EYS: variants seen among roughly 807,000 people sequenced by gnomAD.
EYS encodes the protein EGF-like photoreceptor maintenance factor, also known as protein eyes shut homolog.
A neutral mutation model predicts 282.1 loss-of-function variants in EYS; 250 were observed. The ratio of observed to expected loss-of-function variants is 0.89; its 90% confidence interval spans 0.80 to 0.98. EYS has a LOEUF of 0.98. EYS is among the 50% of genes least tolerant of loss of function. The probability of loss-of-function intolerance (pLI) is 0.00; values close to 1 mark genes in which losing one functional copy is unlikely to be tolerated. For missense variants in EYS, 4,016 were observed against 3,709.0 expected, an observed-to-expected ratio of 1.08 and a Z score of -2.15; for synonymous variants, 1,355 against 1,282.9, an observed-to-expected ratio of 1.06 and a Z score of -1.20.
Position 63,720,893 on chromosome 6 carries a change from A to C in EYS, c.9138T>G (p.His3046Gln). 1 of 1,550,912 alleles carries C rather than the reference A, an allele frequency of 6.4e-7. No individual in the cohort carries two copies. The highest frequency in any genetic ancestry group is 1.4e-5 in the African/African-American group (1 of 73,148). ...GAGTCTGATTTTGAATTACAACTAC[A>C]TGGTGCCATTTATTACAACAGAATG... ...NGTFCCNKWH[H>Q]VVVIQNQTLI... Residue 3046 changes from histidine to glutamine, a missense_variant, in exon 43 of 43, where the codon CAT becomes CAG. Physicochemically the swap from His to Gln is conservative, Grantham distance 24 (BLOSUM62 0). Transcript: ENST00000503581.
chr6:65,687,149 A>G (rs1769051865), intron 1 of EYS, among the ~76,000 whole-genome samples: 1 of 152,092 alleles, frequency 6.6e-6, no homozygotes, highest in Non-Finnish European at 1.5e-5. Flanking sequence ...TTCAGATTTA[A>G]GTTTATACAT....
At chr6:63,736,458 G>C (rs1468087094) in intron 41 of EYS, among the ~76,000 whole-genome samples, 1 of 151,788 alleles carries the variant, frequency 6.6e-6, no homozygotes, top group Non-Finnish European at 1.5e-5. Context: ...CTCTGTTTTG[G>C]TACCAGTACC....
At position 65,674,730 on chromosome 6, in the gene EYS, A is replaced by C. The variant is rs956227723; in HGVS notation, c.-448+32405T>G. 5.3e-5 allele frequency among the ~76,000 whole-genome samples: 8 copies of C among 152,062 alleles called. No individual in the cohort carries two copies. The East Asian group carries it at 1.2e-3, about 22-fold the overall frequency. Reference sequence around the variant, plus strand: ...TATACTTGCCTTACAAAAAATACTAAAGGGAGTCCTTCAATTGTAAACAAA... The same window carrying C: ...TATACTTGCCTTACAAAAAATACTACAGGGAGTCCTTCAATTGTAAACAAA... On this transcript the variant is annotated intron_variant, in intron 1 of 42. Transcript: ENST00000503581.
At position 63,882,279 on chromosome 6, in the gene EYS, T is replaced by G. The variant is rs547783405; in HGVS notation, c.7056-17921A>C. 3.6e-3 allele frequency among the ~76,000 whole-genome samples: 545 copies of G among 152,324 alleles called. 2 individuals carry two copies. The highest frequency in any genetic ancestry group is 0.013 in the African/African-American group (527 of 41,570). On this transcript the variant is annotated intron_variant, in intron 35 of 42. Coordinates refer to ENST00000503581, the MANE Select transcript of EYS (RefSeq NM_001142800.2). Reference sequence around the variant, plus strand: ...GGGATACTTTGTCTTATTACAAAAGTTGTCACTCAAGTCTCCAATAAATAG... The same window carrying G: ...GGGATACTTTGTCTTATTACAAAAGGTGTCACTCAAGTCTCCAATAAATAG...
chr6:64,614,326 G>A (rs941534731), intron 24 of EYS, among the ~76,000 whole-genome samples: 2 of 152,052 alleles, frequency 1.3e-5, no homozygotes, highest in African/African-American at 4.8e-5. Context: ...TATGCTACAG[G>A]CCTATTTATC....
chr6:64,822,805 T>G lies in EYS; in HGVS notation c.3010A>C (p.Asn1004His), dbSNP rs781222768. 31 of 1,549,218 alleles carry G rather than the reference T, an allele frequency of 2.0e-5. No homozygotes were observed. In the African/African-American group the frequency reaches 3.6e-4, roughly 18 times the overall value. ...GGCTCTGATAGGCATTCATCTAGATTTATTTCACAGTTGATGCCTGTGTTG... is the reference window on the plus strand; with the variant it reads ...GGCTCTGATAGGCATTCATCTAGATGTATTTCACAGTTGATGCCTGTGTTG... Reference protein sequence around the residue: ...PGYTGINCEINLDECLSEPCL... With the variant: ...PGYTGINCEIHLDECLSEPCL... The change falls in exon 20 of 43, where the codon AAT (asparagine) becomes CAT (histidine). Residue 1004 changes from asparagine (N) to histidine (H), a missense_variant. Coordinates refer to ENST00000503581, the MANE Select transcript of EYS (RefSeq NM_001142800.2).
intron 2 of EYS, among the ~76,000 whole-genome samples, chr6:65,552,504 T>C (rs920624096): frequency 2.6e-5 from 4 of 152,194 alleles, no homozygotes; most frequent in Admixed American, 2.6e-4. Flanking sequence ...GCAATTTTTT[T>C]TTCAAATATT....
chr6:63,721,895 G>A lies in EYS; in HGVS notation c.8234-98C>T, dbSNP rs148394427. 1.8e-4 allele frequency: 205 copies of A among 1,121,198 alleles called. 1 individual carries two copies. The Middle Eastern group carries it at 2.1e-3, about 12-fold the overall frequency. 69.5% of individuals were successfully genotyped at this position (1,121,198 alleles called of 1,614,324 possible). A position where few individuals can be genotyped will look rare whatever the true frequency, so the allele number is the denominator to read the frequency against. ...CCAAGTTGGATAAGTTTTAGTTATGGGGAAAAAAGTAACAGATCTTGAGCA... is the reference window on the plus strand; with the variant it reads ...CCAAGTTGGATAAGTTTTAGTTATGAGGAAAAAAGTAACAGATCTTGAGCA... On this transcript the variant is annotated intron_variant, in intron 42 of 42. Transcript: ENST00000503581.
intron 2 of EYS, among the ~76,000 whole-genome samples, chr6:65,537,945 G>A (rs1352547010): frequency 6.6e-6 from 1 of 152,126 alleles, no homozygotes; most frequent in Non-Finnish European, 1.5e-5. Context: ...CAAACTCTTT[G>A]GTCAGGCTGA....
In EYS at chr6:64,752,878, A is replaced by C. The variant is rs190070187; in HGVS notation, c.3443+60500T>G. Among the ~76,000 whole-genome samples the C allele has an allele frequency of 2.1e-3, 315 of 152,238 alleles. 2 individuals carry two copies. The highest frequency in any genetic ancestry group is 6.8e-3 in the Middle Eastern group (2 of 294). ...CAGCTGCATACTCACAAACTTAAAA[A>C]CCTAGAGAAAATGGATACATTCCTG... is the stretch of plus-strand genomic sequence containing the variant. On this transcript the variant is annotated intron_variant, in intron 22 of 42. Coordinates refer to ENST00000503581, the MANE Select transcript of EYS (RefSeq NM_001142800.2).
intron 22 of EYS, among the ~76,000 whole-genome samples, chr6:64,744,389 C>T (rs1772482431): frequency 6.6e-6 from 1 of 152,132 alleles, no homozygotes; most frequent in Non-Finnish European, 1.5e-5. Context: ...TCTCTGGAGG[C>T]TGTATTCAAG....
At chr6:65,252,911 C>T (rs1259982515) in intron 12 of EYS, among the ~76,000 whole-genome samples, 2 of 151,854 alleles carry the variant, frequency 1.3e-5, no homozygotes, top group Non-Finnish European at 2.9e-5. Flanking sequence ...GATTATCCAT[C>T]TAAATAGAGA....
chr6:65,412,059 A>C (rs893499761), intron 5 of EYS, among the ~76,000 whole-genome samples: 1 of 152,172 alleles, frequency 6.6e-6, no homozygotes, highest in South Asian at 2.1e-4. Flanking sequence ...CTCATGTATA[A>C]GATTAGTACC....
chr6:64,328,293 G>C (rs548382441), intron 29 of EYS, among the ~76,000 whole-genome samples: 1 of 152,268 alleles, frequency 6.6e-6, no homozygotes, highest in Admixed American at 6.5e-5. Context: ...TGCACCTGCA[G>C]GTACAGGATA....
chr6:65,371,628 G>T (rs1195611800), intron 8 of EYS, among the ~76,000 whole-genome samples: 2 of 151,468 alleles, frequency 1.3e-5, no homozygotes, highest in Non-Finnish European at 2.9e-5. Context: ...ATAATATTGA[G>T]CCTCTGGTTA....
rs319928 is a variant in EYS at position 63,790,619 on chromosome 6, A to G, written c.7412-1395T>C. ...AGGTTAGCTGGGTTGTATATTTAAA[A>G]CGGAAAGTTCAATGTTTCAAGAGAA... is the stretch of plus-strand genomic sequence containing the variant. On this transcript the variant is annotated intron_variant, in intron 37 of 42. Transcript: ENST00000503581. 6.3e-3 allele frequency among the ~76,000 whole-genome samples: 960 copies of G among 152,334 alleles called. 9 individuals carry two copies. The highest frequency in any genetic ancestry group is 0.022 in the African/African-American group (897 of 41,564).
At chr6:63,775,675 A>G (rs1161694391) in intron 40 of EYS, among the ~76,000 whole-genome samples, 1 of 152,222 alleles carries the variant, frequency 6.6e-6, no homozygotes, top group Non-Finnish European at 1.5e-5. Context: ...TGAAAAGTAT[A>G]TTACAAAGCA....
At chr6:65,281,886 G>A (rs1768229696) in intron 12 of EYS, among the ~76,000 whole-genome samples, 1 of 151,886 alleles carries the variant, frequency 6.6e-6, no homozygotes, top group Admixed American at 6.6e-5. Context: ...TTTAGTATTT[G>A]GGTAATTTAA....
At chr6:63,821,376 C>A (rs1214982588) in intron 36 of EYS, 1 of 152,096 alleles carries the variant, frequency 6.6e-6, no homozygotes, top group Non-Finnish European at 1.5e-5. Context: ...GAATTCCTCA[C>A]CCTTATTGAG....
Sources: gnomAD v4.1 joint callset for allele counts (sites outside exome capture counted in the v4.1 genomes callset) on GRCh38, gnomAD v4.1.1 for gene constraint, MANE v1.5 for transcripts, NCBI Gene and HGNC (gene_info 2026-07-23, HGNC 2026-07-21) for gene names.